Variants in SORCS2 observed in about 807,000 individuals in gnomAD.
SORCS2 encodes the protein sortilin related VPS10 domain containing receptor 2, also known as VPS10 domain-containing receptor SorCS2.
SORCS2 carries 100 observed loss-of-function variants against 141.6 expected under a neutral mutation model. That is an observed-to-expected ratio of 0.71 (90% CI 0.60 to 0.83). The LOEUF is 0.83. Ranked by LOEUF, SORCS2 falls within the 40% of genes least tolerant of loss-of-function variation. The pLI, the probability that SORCS2 is intolerant of heterozygous loss-of-function variation, is 0.00. For missense variants in SORCS2, 1,646 were observed against 1,560.2 expected, an observed-to-expected ratio of 1.05 and a Z score of -0.93; for synonymous variants, 789 against 676.9, an observed-to-expected ratio of 1.17 and a Z score of -2.57.
intron 1 of SORCS2, among the ~76,000 whole-genome samples, chr4:7,272,581 C>T (rs1715215682): frequency 6.6e-6 from 1 of 152,346 alleles, no homozygotes; most frequent in African/African-American, 2.4e-5. Flanking sequence ...GGCACGTGCC[C>T]ATGCAGGCTT....
intron 2 of SORCS2, among the ~76,000 whole-genome samples, chr4:7,480,220 G>A (rs1280604653): frequency 6.6e-6 from 1 of 152,242 alleles, no homozygotes; most frequent in East Asian, 1.9e-4. Flanking sequence ...ACCAGGTGTT[G>A]AGCCCGAGAG....
chr4:7,624,138 C>T (rs1236715334), intron 3 of SORCS2, among the ~76,000 whole-genome samples: 1 of 152,172 alleles, frequency 6.6e-6, no homozygotes, highest in African/African-American at 2.4e-5. Context: ...ACCAGTATTG[C>T]TGTATACTCT....
At chr4:7,324,638 G>T (rs545823179) in intron 1 of SORCS2, among the ~76,000 whole-genome samples, 1 of 152,316 alleles carries the variant, frequency 6.6e-6, no homozygotes, top group African/African-American at 2.4e-5. Context: ...GCTGCAGCCT[G>T]GGCCACCAGG....
chr4:7,479,332 G>A (rs1274596947), intron 2 of SORCS2, among the ~76,000 whole-genome samples: 2 of 140,464 alleles, frequency 1.4e-5, no homozygotes, highest in African/African-American at 5.7e-5. Context: ...CACTCTCCAC[G>A]TGCCGCCCTG....
intron 1 of SORCS2, among the ~76,000 whole-genome samples, chr4:7,314,251 G>C (rs1218591836): frequency 6.6e-6 from 1 of 152,204 alleles, no homozygotes; most frequent in Admixed American, 6.5e-5. Context: ...CGGAGAACGA[G>C]GCAGCGGGAT....
In SORCS2 at chr4:7,210,194, T is replaced by C. The variant is rs550545369; in HGVS notation, c.480+17068T>C. 2.0e-5 allele frequency among the ~76,000 whole-genome samples: 3 copies of C among 152,308 alleles called. No homozygotes were observed. In the South Asian group the frequency reaches 6.2e-4, roughly 32 times the overall value. On this transcript the variant is annotated intron_variant, in intron 1 of 26. Transcript: ENST00000507866. ...TGGGTGGGGACGTTTGTGGATAATG[T>C]GAAGGCTGGGCCCCCGGTCATCTTT... is the stretch of plus-strand genomic sequence containing the variant.
At chr4:7,573,232 C>T (rs1715513168) in intron 3 of SORCS2, among the ~76,000 whole-genome samples, 2 of 152,198 alleles carry the variant, frequency 1.3e-5, no homozygotes, top group Non-Finnish European at 2.9e-5. Flanking sequence ...AACAAGCACA[C>T]AAGATCCCTG....
intron 3 of SORCS2, among the ~76,000 whole-genome samples, chr4:7,625,912 G>C (rs988380967): frequency 3.3e-5 from 5 of 152,168 alleles, no homozygotes; most frequent in Non-Finnish European, 7.4e-5. Flanking sequence ...GCCAAGGCAG[G>C]CGGATTGCTT....
chr4:7,234,590 G>T (rs559876809), intron 1 of SORCS2, among the ~76,000 whole-genome samples: 2 of 152,290 alleles, frequency 1.3e-5, no homozygotes, highest in East Asian at 3.9e-4. Context: ...GCTTGGAGGA[G>T]ATCCAGCTTC....
At chr4:7,356,121 T>TG (rs1721237004) in intron 1 of SORCS2, among the ~76,000 whole-genome samples, 1 of 152,244 alleles carries the variant, frequency 6.6e-6, no homozygotes, top group South Asian at 2.1e-4. Context: ...CAGGTCTCAA[T>TG]GATCATCTGT....
Position 7,708,803 on chromosome 4 carries a change from G to A in SORCS2, c.1869-3930G>A, listed in dbSNP as rs573605140. Among the ~76,000 whole-genome samples, 6 of 152,322 alleles carry A rather than the reference G, an allele frequency of 3.9e-5. No homozygotes were observed. The South Asian group carries it at 1.2e-3, about 32-fold the overall frequency. ...TTTAGAGGTGCCAACACGTCTCAAAGAATTCATCCCTGAGGGAGTGGTGGG... is the reference window on the plus strand; with the variant it reads ...TTTAGAGGTGCCAACACGTCTCAAAAAATTCATCCCTGAGGGAGTGGTGGG... On this transcript the variant is annotated intron_variant, in intron 14 of 26. Transcript: ENST00000507866.
intron 8 of SORCS2, among the ~76,000 whole-genome samples, chr4:7,669,927 C>T (rs1022562774): frequency 6.6e-6 from 1 of 152,214 alleles, no homozygotes; most frequent in African/African-American, 2.4e-5. Context: ...GAGAGTGTAC[C>T]TTGTTGAGCT....
chr4:7,382,366 G>T (rs769813649), intron 1 of SORCS2, among the ~76,000 whole-genome samples: 20 of 152,136 alleles, frequency 1.3e-4, no homozygotes, highest in Non-Finnish European at 2.5e-4. Flanking sequence ...TGTACAGTGA[G>T]TTCCCAAGTG....
chr4:7,724,148 G>GATGATGGTGATAGCAGTAC (rs1560112997), intron 19 of SORCS2, among the ~76,000 whole-genome samples: 4 of 81,060 alleles, frequency 4.9e-5, no homozygotes, highest in East Asian at 5.6e-4. Flanking sequence ...GGTGATGGTC[G>GATGATGGTGATAGCAGTAC]TGGTGGTGGT....
chr4:7,344,833 T>C (rs899279233), intron 1 of SORCS2, among the ~76,000 whole-genome samples: 1 of 152,174 alleles, frequency 6.6e-6, no homozygotes, highest in Non-Finnish European at 1.5e-5. Flanking sequence ...TGTTTATCCT[T>C]GAAAACAGCA....
chr4:7,678,338 C>T (rs1488730907), intron 9 of SORCS2, among the ~76,000 whole-genome samples: 1 of 150,626 alleles, frequency 6.6e-6, no homozygotes, highest in Non-Finnish European at 1.5e-5. Flanking sequence ...AAAGGCGACA[C>T]CCACCGTCCA....
chr4:7,592,963 G>A (rs1717016239), intron 3 of SORCS2, among the ~76,000 whole-genome samples: 1 of 152,202 alleles, frequency 6.6e-6, no homozygotes, highest in Non-Finnish European at 1.5e-5. Flanking sequence ...CTACTGCTGT[G>A]TGTGTGACAA....
chr4:7,411,912 A>G (rs1226002978), intron 2 of SORCS2, among the ~76,000 whole-genome samples: 2 of 152,176 alleles, frequency 1.3e-5, no homozygotes, highest in Non-Finnish European at 2.9e-5. Flanking sequence ...CCCTCCCTAC[A>G]TAGTGCTTTC....
intron 3 of SORCS2, among the ~76,000 whole-genome samples, chr4:7,560,576 C>T (rs1714463426): frequency 1.3e-5 from 2 of 152,116 alleles, no homozygotes; most frequent in African/African-American, 4.8e-5. Flanking sequence ...GATGCGCCCC[C>T]AGCAAACCAC....
Sources: allele counts gnomAD v4.1 joint callset (sites outside exome capture counted in the v4.1 genomes callset), GRCh38; gene constraint gnomAD v4.1.1; transcripts MANE v1.5; gene names NCBI Gene and HGNC (gene_info 2026-07-23, HGNC 2026-07-21).